Variants in OTUD4 observed in about 807,000 individuals in gnomAD.
The protein encoded by OTUD4 is OTU domain-containing protein 4.
OTUD4 carries 24 observed loss-of-function variants against 130.4 expected under a neutral mutation model. The observed-to-expected ratio is 0.18, with a 90% CI of 0.13 to 0.26. The LOEUF (loss-of-function observed/expected upper bound fraction) is 0.26. OTUD4 is among the 10% of genes least tolerant of loss of function. The pLI, the probability that OTUD4 is intolerant of heterozygous loss-of-function variation, is 1.00. For synonymous variants in OTUD4, 420 were observed against 472.5 expected, an observed-to-expected ratio of 0.89 and a Z score of 1.44; for missense variants, 1,031 against 1,329.4, an observed-to-expected ratio of 0.78 and a Z score of 3.49.
At chr4:145,146,469 A>C (rs1026080102) in intron 13 of OTUD4, 40 bp from the exon 14 acceptor site, 3 of 1,046,120 alleles carry the variant, frequency 2.9e-6, no homozygotes, top group Non-Finnish European at 3.9e-6. Flanking sequence ...TACATAAATA[A>C]ATAAATAAAT....
At chr4:145,143,739 CA>C (rs780620497) in intron 16 of OTUD4, among the ~76,000 whole-genome samples, 7 of 152,158 alleles carry the variant, frequency 4.6e-5, no homozygotes, top group Non-Finnish European at 8.8e-5. Flanking sequence ...TCTAACAATT[CA>C]GGCAGGGCAC....
At chr4:145,144,096 T>C in intron 15 of OTUD4, 95 bp from the exon 16 acceptor site, 1 of 1,146,232 alleles carries the variant, frequency 8.7e-7, no homozygotes, top group Non-Finnish European at 1.3e-6. Flanking sequence ...GCCAAAAGTA[T>C]TATTTGAACC....
rs1750129773 is a variant in OTUD4 at position 145,134,180 on chromosome 4, A to G, written c.*3250T>C. Reference sequence around the variant, plus strand: ...GTAAATGGCTGACATTAGTAGCAAAACCTTAGTTATCTGAAAATAACATAT... The same window carrying G: ...GTAAATGGCTGACATTAGTAGCAAAGCCTTAGTTATCTGAAAATAACATAT... On this transcript the variant is annotated 3_prime_UTR_variant, in exon 21 of 21. Transcript: ENST00000447906. 6.6e-6 allele frequency: 1 copy of G among 152,632 alleles called. No individual in the cohort carries two copies. Among genetic ancestry groups the G allele is most frequent in the African/African-American group, 2.4e-5 (1 of 41,444 alleles). The allele number at this position is 152,632 out of a possible 1,614,324, so 9.5% of individuals were successfully genotyped here.
rs1560975749 is a variant in OTUD4, at chr4:145,138,585, T to C, written c.2190A>G (p.Ala730=). ...YLYPLHQAYL[A]ACRMYPKVPV... ...GGACCTTTGGGTACATCCTGCAGGC[T>C]GCCAGGTAGGCCTGGTGCAGAGGGT... The change falls in exon 21 of 21, where the codon GCA becomes GCG. Residue 730 remains alanine, a synonymous_variant. Coordinates refer to ENST00000447906, the MANE Select transcript of OTUD4 (RefSeq NM_001366057.1). 1 of 1,613,904 alleles carries C rather than the reference T, an allele frequency of 6.2e-7. No individual in the cohort carries two copies. Among genetic ancestry groups the C allele is most frequent in the Non-Finnish European group, 8.5e-7 (1 of 1,179,834 alleles).
chr4:145,148,228 G>A (rs927546867), intron 13 of OTUD4, among the ~76,000 whole-genome samples: 6 of 152,160 alleles, frequency 3.9e-5, no homozygotes, highest in African/African-American at 4.8e-5. Flanking sequence ...GGCCGGGTGC[G>A]GTGGCTCACG....
chr4:145,164,795 G>T (rs557498901), intron 4 of OTUD4, among the ~76,000 whole-genome samples: 1 of 152,152 alleles, frequency 6.6e-6, no homozygotes, highest in South Asian at 2.1e-4. Flanking sequence ...AATCATTTCA[G>T]ATAAGGAATA....
rs868046321 is a variant in OTUD4 at position 145,146,782 on chromosome 4, A to G, written c.1260-353T>C. On this transcript the variant is annotated intron_variant, in intron 13 of 20. Transcript: ENST00000447906. ...TATATACTTGTTATACCATATTCCA[A>G]TATTTTCATTAAGAATTAATTCTCA... 4.6e-5 allele frequency among the ~76,000 whole-genome samples: 7 copies of G among 152,190 alleles called. No individual in the cohort carries two copies. In the South Asian group the frequency reaches 8.3e-4, roughly 18 times the overall value.
chr4:145,169,787 A>G (rs911108673), intron 3 of OTUD4, among the ~76,000 whole-genome samples: 2 of 152,246 alleles, frequency 1.3e-5, no homozygotes, highest in Non-Finnish European at 2.9e-5. Flanking sequence ...AAGCAAAAAA[A>G]TAAGAATGAA....
At chr4:145,152,098 C>T (rs1237170219) in intron 11 of OTUD4, among the ~76,000 whole-genome samples, 1 of 152,094 alleles carries the variant, frequency 6.6e-6, no homozygotes, top group East Asian at 1.9e-4. Context: ...ACATTTAGTG[C>T]TTTTCTAGAG....
chr4:145,166,817 A>G (rs1751901451), intron 3 of OTUD4, among the ~76,000 whole-genome samples: 2 of 152,200 alleles, frequency 1.3e-5, no homozygotes, highest in African/African-American at 4.8e-5. Context: ...CCAGCCTGGG[A>G]GACAAGAGCG....
intron 7 of OTUD4, among the ~76,000 whole-genome samples, chr4:145,157,565 T>A (rs1294612584): frequency 3.3e-5 from 5 of 151,184 alleles, no homozygotes; most frequent in Admixed American, 2.0e-4. Context: ...ATGCCTGTAA[T>A]CCTAGCTACT....
At chr4:145,168,442 C>T (rs1368028741) in intron 3 of OTUD4, among the ~76,000 whole-genome samples, 2 of 141,482 alleles carry the variant, frequency 1.4e-5, no homozygotes, top group Admixed American at 6.9e-5. Flanking sequence ...AATGGAAAGC[C>T]AAAATACAAA....
At chr4:145,156,936 G>A (rs1358724267) in intron 7 of OTUD4, among the ~76,000 whole-genome samples, 1 of 152,140 alleles carries the variant, frequency 6.6e-6, no homozygotes, top group Non-Finnish European at 1.5e-5. Flanking sequence ...TTCTCGGGAT[G>A]TGACACCCAA....
rs375552375 is a variant in OTUD4 at position 145,163,998 on chromosome 4, G to A, written c.414+156C>T. Among the ~76,000 whole-genome samples, 14 of 152,122 alleles carry A rather than the reference G, an allele frequency of 9.2e-5. No individual in the cohort carries two copies. In the East Asian group the frequency reaches 2.1e-3, roughly 23 times the overall value. On this transcript the variant is annotated intron_variant, in intron 5 of 20. Coordinates refer to ENST00000447906, the MANE Select transcript of OTUD4 (RefSeq NM_001366057.1). ...GCTGGGATTACAGGCATGAGCCACC[G>A]CACCCGGCTATAGGAACTTTTAAGA...
chr4:145,137,691 A>G lies in OTUD4; in HGVS notation c.3084T>C (p.Asn1028=). ...RPKEESSEDE[N]EVSNILRSGR... ...CACTTCTCAAAATATTAGACACTTC[A>G]TTTTCATCTTCTGAACTCTCTTCTT... The change falls in exon 21 of 21, where the codon AAT becomes AAC. Residue 1028 remains asparagine (N), a synonymous_variant. Transcript: ENST00000447906. 1 of 1,613,808 alleles carries G rather than the reference A, an allele frequency of 6.2e-7. No individual in the cohort carries two copies. The highest frequency in any genetic ancestry group is 8.5e-7 in the Non-Finnish European group (1 of 1,179,968).
intron 13 of OTUD4, 74 bp from the exon 14 acceptor site, chr4:145,146,503 A>AG: frequency 9.9e-6 from 9 of 913,210 alleles, no homozygotes; most frequent in Non-Finnish European, 1.2e-5. Context: ...ATTCTTGTCA[A>AG]AAAAAAAAAA....
At chr4:145,143,589 T>G (rs1215860120) in intron 16 of OTUD4, 144 bp from the exon 17 acceptor site, 5 of 609,878 alleles carry the variant, frequency 8.2e-6, no homozygotes, top group Non-Finnish European at 1.4e-5. Flanking sequence ...TATGTTATTT[T>G]CAACAGGTAG....
At chr4:145,146,512 A>G in intron 13 of OTUD4, 83 bp from the exon 14 acceptor site, 1 of 913,488 alleles carries the variant, frequency 1.1e-6, no homozygotes, top group African/African-American at 1.8e-5. Flanking sequence ...AAAAAAAAAA[A>G]ACACAAAACT....
In OTUD4 at chr4:145,146,375, G is replaced by A; in HGVS notation, c.1314C>T (p.Asn438=). The change falls in exon 14 of 21, where the codon AAC becomes AAT. Residue 438 remains asparagine (N), a synonymous_variant. Transcript: ENST00000447906. ...GCTCTTCTGGGGAAAGGCCGAAATA[G>A]TTAGATTCTCGACTTGTGTGATCAA... ...EDFDHTSRES[N]YFGLSPEERR... The A allele has an allele frequency of 6.3e-7, 1 of 1,589,270 alleles. No homozygotes were observed. The highest frequency in any genetic ancestry group is 2.3e-5 in the East Asian group (1 of 42,952).
Sources: gnomAD v4.1 joint callset for allele counts (sites outside exome capture counted in the v4.1 genomes callset) on GRCh38, gnomAD v4.1.1 for gene constraint, MANE v1.5 for transcripts, NCBI Gene and HGNC (gene_info 2026-07-23, HGNC 2026-07-21) for gene names.